The following FGF1 variants were observed in gnomAD, a reference collection of about 807,000 sequenced individuals.
The protein encoded by FGF1 is beta-endothelial cell growth factor.
A neutral mutation model predicts 13.4 loss-of-function variants in FGF1; 9 were observed. The ratio of observed to expected loss-of-function variants is 0.67; its 90% CI spans 0.40 to 1.17. The LOEUF (loss-of-function observed/expected upper bound fraction) is 1.17. Ranked by LOEUF, FGF1 falls within the 50% of genes most tolerant of loss-of-function variation. The probability of loss-of-function intolerance (pLI) is 0.01; values close to 1 mark genes in which losing one functional copy is unlikely to be tolerated. For missense variants in FGF1, 156 were observed against 192.7 expected (o/e 0.81, Z 1.13); for synonymous variants, 93 against 79.0 (o/e 1.18, Z -0.94).
upstream of FGF1, chr5:142,686,563 C>T (rs993217561): frequency 1.3e-5 from 2 of 152,156 alleles, no homozygotes; most frequent in Non-Finnish European, 2.9e-5. Flanking sequence ...GGTCGTGGCT[C>T]GGAGACTCTC....
chr5:142,671,288 T>C (rs1159859727), intron 1 of FGF1, among the ~76,000 whole-genome samples: 2 of 152,364 alleles, frequency 1.3e-5, no homozygotes, highest in East Asian at 1.9e-4. Context: ...GTCCAGTATA[T>C]GAATCAGGTT....
chr5:142,660,071 G>A (rs924985641), intron 1 of FGF1, among the ~76,000 whole-genome samples: 2 of 152,202 alleles, frequency 1.3e-5, no homozygotes, highest in African/African-American at 2.4e-5. Context: ...AGTGTCACAC[G>A]TTTTCTCACA....
Position 142,631,205 on chromosome 5 carries a change from C to G in FGF1, c.-34-17044G>C, listed in dbSNP as rs77488344. Among the ~76,000 whole-genome samples, 369 of 152,246 alleles carry G rather than the reference C, an allele frequency of 2.4e-3. 11 individuals carry two copies. In the East Asian group the frequency reaches 0.065, roughly 27 times the overall value. On this transcript the variant is annotated intron_variant, in intron 1 of 3. Coordinates refer to ENST00000337706, the MANE Select transcript of FGF1 (RefSeq NM_000800.5). ...GCTCTTCTAAAGCAAGTGTTTTTCC[C>G]CTAGATTATTTTTATAGAAAAAAGT...
intron 1 of FGF1, among the ~76,000 whole-genome samples, chr5:142,618,082 T>C (rs1454606138): frequency 6.6e-6 from 1 of 152,228 alleles, no homozygotes; most frequent in African/African-American, 2.4e-5. Context: ...TTGTCTGTGT[T>C]GTGCTGGGAA....
chr5:142,600,027 T>C (rs538294388), intron 3 of FGF1, among the ~76,000 whole-genome samples: 1 of 152,310 alleles, frequency 6.6e-6, no homozygotes, highest in South Asian at 2.1e-4. Flanking sequence ...GCTCTGCCAT[T>C]TGTGTAAAAA....
At chr5:142,608,718 T>C (rs1455036256) in intron 2 of FGF1, among the ~76,000 whole-genome samples, 2 of 146,874 alleles carry the variant, frequency 1.4e-5, no homozygotes, top group Non-Finnish European at 3.0e-5. Context: ...CATATATATA[T>C]ACACACACAC....
intron 1 of FGF1, among the ~76,000 whole-genome samples, chr5:142,660,931 C>A (rs976964041): frequency 2.6e-5 from 4 of 152,200 alleles, no homozygotes; most frequent in African/African-American, 9.7e-5. Flanking sequence ...TGGCTCCAGG[C>A]AACAGGACTC....
intron 1 of FGF1, chr5:142,644,271 C>T (rs1312395193): frequency 1.3e-5 from 2 of 152,230 alleles, no homozygotes; most frequent in Non-Finnish European, 2.9e-5. Context: ...CTTTTGTTTT[C>T]TCTGACTCAG....
At chr5:142,613,332 G>T (rs773659706) in intron 2 of FGF1, among the ~76,000 whole-genome samples, 1 of 152,236 alleles carries the variant, frequency 6.6e-6, no homozygotes, top group Non-Finnish European at 1.5e-5. Flanking sequence ...CTGCCAGGAA[G>T]TCCTGGAAGA....
chr5:142,609,833 T>C (rs1415309708), intron 2 of FGF1, among the ~76,000 whole-genome samples: 1 of 152,246 alleles, frequency 6.6e-6, no homozygotes, highest in Non-Finnish European at 1.5e-5. Flanking sequence ...GCTGTTGTCA[T>C]TCTTGTTTTT....
chr5:142,684,554 C>T (rs1406412494), intron 1 of FGF1, among the ~76,000 whole-genome samples: 1 of 152,182 alleles, frequency 6.6e-6, no homozygotes, highest in African/African-American at 2.4e-5. Context: ...GTTGATCTTG[C>T]CTTCAGATCA....
At chr5:142,636,060 T>C (rs1474859328) in intron 1 of FGF1, among the ~76,000 whole-genome samples, 1 of 152,190 alleles carries the variant, frequency 6.6e-6, no homozygotes, top group Non-Finnish European at 1.5e-5. Context: ...AAACAGAGGG[T>C]GAGGCAACAT....
intron 1 of FGF1, among the ~76,000 whole-genome samples, chr5:142,635,110 A>G (rs1311575591): frequency 6.6e-6 from 1 of 152,206 alleles, no homozygotes; most frequent in Admixed American, 6.5e-5. Flanking sequence ...GGTTGATACT[A>G]GACTCCAGAG....
Position 142,600,754 on chromosome 5 carries a change from G to A in FGF1, c.221C>T (p.Thr74Ile), listed in dbSNP as rs768468212. 53 of 1,613,942 alleles carry A rather than the reference G, an allele frequency of 3.3e-5. No homozygotes were observed. Among genetic ancestry groups the A allele is most frequent in the Non-Finnish European group, 4.4e-5 (52 of 1,179,860 alleles). ...ESVGEVYIKS[T>I]ETGQYLAMDT... ...CATGGCCAAGTACTGGCCAGTCTCG[G>A]TACTCTTTATATACACCTCCCCCAC... Residue 74 changes from threonine to isoleucine, a missense_variant, in exon 3 of 4, where the codon ACC becomes ATC. By Grantham distance (89) the Thr-to-Ile change is moderately conservative. Coordinates refer to ENST00000337706, the MANE Select transcript of FGF1 (RefSeq NM_000800.5).
At chr5:142,601,400 G>T (rs34010) in intron 2 of FGF1, among the ~76,000 whole-genome samples, 38,325 of 152,002 alleles carry the variant, frequency 0.25, 5,464 homozygotes, top group Non-Finnish European at 0.32. Context: ...TGAAACTCGG[G>T]GAACTCCCTC....
intron 1 of FGF1, among the ~76,000 whole-genome samples, chr5:142,675,381 G>T (rs1025720800): frequency 2.6e-5 from 4 of 152,136 alleles, no homozygotes; most frequent in African/African-American, 9.7e-5. Context: ...TCCAGACTGC[G>T]ACCTGGACCC....
intron 1 of FGF1, among the ~76,000 whole-genome samples, chr5:142,633,911 G>A (rs1264779470): frequency 2.0e-5 from 3 of 152,044 alleles, no homozygotes; most frequent in Admixed American, 1.3e-4. Flanking sequence ...TCGGCTGGGC[G>A]TGGTGGCTCA....
intron 1 of FGF1, among the ~76,000 whole-genome samples, chr5:142,636,668 A>G (rs1046305547): frequency 1.3e-5 from 2 of 150,504 alleles, no homozygotes; most frequent in African/African-American, 5.0e-5. Flanking sequence ...TAAGCAATCT[A>G]TAGGACCTGG....
chr5:142,666,786 A>G (rs1048310700), intron 1 of FGF1, among the ~76,000 whole-genome samples: 4 of 151,346 alleles, frequency 2.6e-5, no homozygotes, highest in African/African-American at 9.7e-5. Flanking sequence ...TTTTTTTTTT[A>G]ATTAGGCAGG....
Sources: gnomAD v4.1 joint callset for allele counts (sites outside exome capture counted in the v4.1 genomes callset) on GRCh38, gnomAD v4.1.1 for gene constraint, MANE v1.5 for transcripts, NCBI Gene and HGNC (gene_info 2026-07-23, HGNC 2026-07-21) for gene names.